The following LRRC75A variants were observed in gnomAD, a reference collection of about 807,000 sequenced individuals.
LRRC75A encodes the protein leucine rich repeat containing 75A.
A neutral mutation model predicts 26.0 loss-of-function variants in LRRC75A; 12 were observed. That is an observed-to-expected ratio of 0.46 (90% CI 0.30 to 0.75). The LOEUF is 0.75. LRRC75A is among the 30% of genes least tolerant of loss of function. LRRC75A has a pLI of 0.08. For synonymous variants in LRRC75A, 223 were observed against 219.3 expected (o/e 1.02, Z -0.15); for missense variants, 410 against 486.6 (o/e 0.84, Z 1.48).
At chr17:16,451,645 TA>T (rs369586258) in intron 2 of LRRC75A, among the ~76,000 whole-genome samples, 2 of 146,196 alleles carry the variant, frequency 1.4e-5, no homozygotes, top group East Asian at 5.2e-4. Context: ...ATAATAATAA[TA>T]AATAAATAAA....
intron 2 of LRRC75A, among the ~76,000 whole-genome samples, chr17:16,454,020 C>T (rs956396653): frequency 1.3e-5 from 2 of 152,196 alleles, no homozygotes; most frequent in Non-Finnish European, 2.9e-5. Flanking sequence ...TCCCCTCGGC[C>T]TATCACCATT....
chr17:16,476,939 C>T (rs112797144), intron 1 of LRRC75A, among the ~76,000 whole-genome samples: 1,817 of 151,666 alleles, frequency 0.012, 20 homozygotes, highest in East Asian at 0.037. Flanking sequence ...GGGGTTTCAC[C>T]GTGTTAGCCA....
intron 1 of LRRC75A, among the ~76,000 whole-genome samples, chr17:16,488,539 G>A (rs551368924): frequency 6.6e-6 from 1 of 152,240 alleles, no homozygotes; most frequent in Non-Finnish European, 1.5e-5. Flanking sequence ...AGCATTTGCT[G>A]TGCTCAGTAC....
chr17:16,476,794 A>G (rs1218892505), intron 1 of LRRC75A, among the ~76,000 whole-genome samples: 1 of 130,574 alleles, frequency 7.7e-6, no homozygotes, highest in Non-Finnish European at 1.6e-5. Context: ...GCTGGAGTGC[A>G]GTAGCACAAT....
rs968529952 is a variant in LRRC75A, at chr17:16,442,827, A to C, written c.*761T>G. 1 of 152,242 alleles carries C rather than the reference A, an allele frequency of 6.6e-6. No homozygotes were observed. Among genetic ancestry groups the C allele is most frequent in the African/African-American group, 2.4e-5 (1 of 41,464 alleles). The allele number at this position is 152,242 out of a possible 1,614,324, so 9.4% of individuals were successfully genotyped here. A position where few individuals can be genotyped will look rare whatever the true frequency, so the allele number is the denominator to read the frequency against. On this transcript the variant is annotated 3_prime_UTR_variant, in exon 4 of 4. Coordinates refer to ENST00000470794, the MANE Select transcript of LRRC75A (RefSeq NM_001113567.3). ...CTAAGGACATCAGAGCCCACATAGA[A>C]GTCTGGTAGTTTTTCAGCCAGCAGT... is the stretch of plus-strand genomic sequence containing the variant.
At position 16,462,330 on chromosome 17, in the gene LRRC75A, G is replaced by A. The variant is rs747817003; in HGVS notation, c.303C>T (p.Phe101=). 1 of 1,614,198 alleles carries A rather than the reference G, an allele frequency of 6.2e-7. No homozygotes were observed. Among genetic ancestry groups the A allele is most frequent in the Non-Finnish European group, 8.5e-7 (1 of 1,180,034 alleles). ...LDDVLYRYAS[F]RNLVDPITHD... ...GTGTGATGGGGTCCACCAGGTTCCG[G>A]AAGCTGGCGTAGCGATACAGAACGT... The change falls in exon 2 of 4, where the codon TTC becomes TTT. Residue 101 remains phenylalanine (F), a synonymous_variant. Transcript: ENST00000470794. The surrounding 1 kb of genome is among the most constrained non-coding windows in gnomAD (Gnocchi z 4.6).
chr17:16,480,427 C>T (rs1026880240), intron 1 of LRRC75A, among the ~76,000 whole-genome samples: 2 of 151,918 alleles, frequency 1.3e-5, no homozygotes, highest in African/African-American at 4.8e-5. Flanking sequence ...CTCAGGAGTT[C>T]GAGACCAGCC....
intron 1 of LRRC75A, among the ~76,000 whole-genome samples, chr17:16,469,076 C>T (rs2093790833): frequency 6.6e-6 from 1 of 152,142 alleles, no homozygotes; most frequent in Non-Finnish European, 1.5e-5. Context: ...TTTTTTCAAG[C>T]TGTCTCTTCC....
At chr17:16,456,204 G>GAGGAGGA (rs2093679155) in intron 2 of LRRC75A, among the ~76,000 whole-genome samples, 3 of 58,206 alleles carry the variant, frequency 5.2e-5, no homozygotes, top group African/African-American at 2.1e-4. Flanking sequence ...GGAGGAGGAA[G>GAGGAGGA]AGGAGGAGGA....
At chr17:16,447,673 C>G (rs896111077) in intron 3 of LRRC75A, among the ~76,000 whole-genome samples, 172 bp downstream of exon 3, 1 of 152,114 alleles carries the variant, frequency 6.6e-6, no homozygotes, top group South Asian at 2.1e-4. Flanking sequence ...AGACCAGGGT[C>G]CCCCTCTAGA....
intron 1 of LRRC75A, among the ~76,000 whole-genome samples, chr17:16,473,800 G>C (rs768702659): frequency 7.9e-5 from 12 of 152,178 alleles, no homozygotes; most frequent in Non-Finnish European, 1.6e-4. Context: ...ACCCCGGCAG[G>C]CTGGCCCTCC....
rs575507197 is a variant in LRRC75A at position 16,487,334 on chromosome 17, C to T, written c.246+4411G>A. On this transcript the variant is annotated intron_variant, in intron 1 of 3. Coordinates refer to ENST00000470794, the MANE Select transcript of LRRC75A (RefSeq NM_001113567.3). ...GTGGAGGTGGAAGGAAAAAGGTGAC[C>T]TTCTGAGGTCATTATGCTCATCTTT... Among the ~76,000 whole-genome samples, 22 of 152,334 alleles carry T rather than the reference C, an allele frequency of 1.4e-4. No homozygotes were observed. The East Asian group carries it at 4.0e-3, about 28-fold the overall frequency.
At chr17:16,477,431 A>G (rs533603001) in intron 1 of LRRC75A, among the ~76,000 whole-genome samples, 1 of 152,344 alleles carries the variant, frequency 6.6e-6, no homozygotes, top group Non-Finnish European at 1.5e-5. Flanking sequence ...ATGCTGGATG[A>G]GGAATCCAGC....
intron 1 of LRRC75A, chr17:16,464,030 TCTTGTGGGGAGCCC>T (rs2093748695): frequency 2.0e-5 from 3 of 152,218 alleles, no homozygotes. Flanking sequence ...GGGAGGAGCC[TCTTGTGGGGAGCCC>T]CTTGGAGCCC....
intron 3 of LRRC75A, 83 bp downstream of exon 3, chr17:16,447,762 T>A: frequency 9.3e-7 from 1 of 1,078,214 alleles, no homozygotes; most frequent in Non-Finnish European, 1.3e-6. Context: ...GACTCCGCCC[T>A]TCCCTTCCCT....
At position 16,443,703 on chromosome 17, in the gene LRRC75A, C is replaced by T; in HGVS notation, c.920G>A (p.Ser307Asn). 1 of 1,612,206 alleles carries T rather than the reference C, an allele frequency of 6.2e-7. No homozygotes were observed. Among genetic ancestry groups the T allele is most frequent in the Non-Finnish European group, 8.5e-7 (1 of 1,179,124 alleles). Residue 307 changes from serine (S) to asparagine (N), a missense_variant, in exon 4 of 4, where the codon AGT becomes AAT. Ser to Asn is a conservative substitution (Grantham distance 46). Coordinates refer to ENST00000470794, the MANE Select transcript of LRRC75A (RefSeq NM_001113567.3). The stretch of plus-strand genomic sequence containing the variant: ...TGTCCCTTCCCGGACCTCCTCCCCA[C>T]TGCCTGGGCCCTCACCCAGCTCCAG... ...TILELGEGPGSGEEVREGTVG... is the reference protein window; with the variant it reads ...TILELGEGPGNGEEVREGTVG...
intron 2 of LRRC75A, among the ~76,000 whole-genome samples, chr17:16,451,905 C>T (rs976214738): frequency 1.4e-5 from 2 of 140,526 alleles, no homozygotes; most frequent in African/African-American, 2.6e-5. Flanking sequence ...CCAACATGCC[C>T]GGCTAATTTT....
At chr17:16,485,663 T>TGG (rs1568987936) in intron 1 of LRRC75A, among the ~76,000 whole-genome samples, 1 of 129,250 alleles carries the variant, frequency 7.7e-6, no homozygotes, top group African/African-American at 3.2e-5. Flanking sequence ...TGTGTGTGTG[T>TGG]GTGTGTTCGT....
At chr17:16,448,838 G>A (rs2093607929) in intron 2 of LRRC75A, among the ~76,000 whole-genome samples, 1 of 152,206 alleles carries the variant, frequency 6.6e-6, no homozygotes. Context: ...GCCAGCCTTG[G>A]ACTTCTAGCC....
Sources: gnomAD v4.1 joint callset for allele counts (sites outside exome capture counted in the v4.1 genomes callset) on GRCh38, gnomAD v4.1.1 for gene constraint, Gnocchi (gnomAD v3.1) non-coding constraint, MANE v1.5 for transcripts, NCBI Gene and HGNC (gene_info 2026-07-23, HGNC 2026-07-21) for gene names.